The following QARS1 variants were observed in gnomAD, a reference collection of about 807,000 sequenced individuals.
The protein encoded by QARS1 is glutaminyl-tRNA synthetase 1, also known as glutamine--tRNA ligase.
Under a neutral mutation model 106.9 loss-of-function variants are expected in QARS1, and 79 were observed. The ratio of observed to expected loss-of-function variants is 0.74; its 90% CI spans 0.62 to 0.89. The LOEUF (loss-of-function observed/expected upper bound fraction) is 0.89. Among genes scored for constraint, QARS1 ranks in the 40% least tolerant of loss-of-function variants. The pLI is 0.00. For missense variants in QARS1, 966 were observed against 997.2 expected (o/e 0.97, Z 0.42); for synonymous variants, 395 against 367.7 (o/e 1.07, Z -0.85).
Position 49,099,218 on chromosome 3 carries a change from T to C in QARS1, c.1650A>G (p.Pro550=), listed in dbSNP as rs762120492. The C allele has an allele frequency of 1.6e-5, 26 of 1,614,198 alleles. No homozygotes were observed. Among genetic ancestry groups the C allele is most frequent in the Non-Finnish European group, 2.0e-5 (24 of 1,180,026 alleles). ...CACGCACACAGGCTTCTAGAAGATG[T>C]GGCTCCATTGTGGTTTGTGCCACAG... ...GVTVAQTTME[P]HLLEACVRDV... The change falls in exon 18 of 24, where the codon CCA becomes CCG. Residue 550 remains proline, a synonymous_variant. Transcript: ENST00000306125.
At position 49,104,464 on chromosome 3, in the gene QARS1, T is replaced by A. The variant is rs546520104; in HGVS notation, c.125A>T (p.Gln42Leu). The change falls in exon 2 of 24, where the codon CAG becomes CTG. Residue 42 changes from glutamine to leucine, a missense_variant. Coordinates refer to ENST00000306125, the MANE Select transcript of QARS1 (RefSeq NM_005051.3). ...QLREAATQAQ[Q>L]TLGSTIDKAT... ...TTTGTCAATGGTGGAACCCAGGGTCTGCTGAGCCTGAGGTCAGAGGGGTCA... is the reference window on the plus strand; with the variant it reads ...TTTGTCAATGGTGGAACCCAGGGTCAGCTGAGCCTGAGGTCAGAGGGGTCA... The A allele has an allele frequency of 6.2e-7, 1 of 1,613,972 alleles. No individual in the cohort carries two copies. Among genetic ancestry groups the A allele is most frequent in the East Asian group, 2.2e-5 (1 of 44,900 alleles).
At chr3:49,099,876 C>T in intron 14 of QARS1, 23 bp from the exon 15 acceptor site, 1 of 1,613,936 alleles carries the variant, frequency 6.2e-7, no homozygotes, top group Non-Finnish European at 8.5e-7. Flanking sequence ...GGCAGTGGGC[C>T]CTACCATCCA....
At position 49,104,607 on chromosome 3, in the gene QARS1, G is replaced by C. The variant is rs1007163653; in HGVS notation, c.117+10C>G. The C allele has an allele frequency of 6.3e-7, 1 of 1,599,334 alleles. No individual in the cohort carries two copies. Among genetic ancestry groups the C allele is most frequent in the East Asian group, 2.2e-5 (1 of 44,506 alleles). On this transcript the variant is annotated intron_variant, in intron 1 of 23. Coordinates refer to ENST00000306125, the MANE Select transcript of QARS1 (RefSeq NM_005051.3). ...TCTGCAAACCAGGCCGGGGGCAGAG[G>C]GGCTCGCACCTGAGTAGCGGCCTCG... is the stretch of plus-strand genomic sequence containing the variant.
intron 5 of QARS1, among the ~76,000 whole-genome samples, 199 bp downstream of exon 5, chr3:49,103,143 AGAG>A (rs1256571664): frequency 4.6e-5 from 7 of 151,894 alleles, no homozygotes; most frequent in Non-Finnish European, 7.4e-5. Flanking sequence ...TTTTCTGTAG[AGAG>A]GAGTTCTCAA....
In QARS1 at chr3:49,098,181, C is replaced by A. The variant is rs774818694; in HGVS notation, c.2151+11G>T. The A allele has an allele frequency of 8.1e-6, 13 of 1,614,086 alleles. No homozygotes were observed. The highest frequency in any genetic ancestry group is 1.1e-5 in the Non-Finnish European group (13 of 1,180,048). On this transcript the variant is annotated intron_variant, in intron 22 of 23. Transcript: ENST00000306125. ...GGCCTACCTCCCTCACCCCAAACCT[C>A]ATGAACCTACCAGGTTCAGGTCACT...
chr3:49,103,806 C>T, intron 3 of QARS1, 57 bp downstream of exon 3: 1 of 1,596,324 alleles, frequency 6.3e-7, no homozygotes, highest in South Asian at 1.1e-5. Context: ...GGAAACTGAG[C>T]CACTCCTTTC....
chr3:49,098,656 G>C lies in QARS1; in HGVS notation c.1900C>G (p.Gln634Glu). The change falls in exon 20 of 24, where the codon CAG becomes GAG. Residue 634 changes from glutamine (Q) to glutamate (E), a missense_variant. By Grantham distance (29) the Gln-to-Glu change is conservative. Transcript: ENST00000306125. Reference protein sequence around the residue: ...EPGFKRLAWGQPVGLRHTGYV... With the variant: ...EPGFKRLAWGEPVGLRHTGYV... ...CCTGTATGCCTCAGGCCCACAGGCTGGCCCCAAGCCAGGCGCTTAAATCCT... is the reference window on the plus strand; with the variant it reads ...CCTGTATGCCTCAGGCCCACAGGCTCGCCCCAAGCCAGGCGCTTAAATCCT... The C allele has an allele frequency of 6.2e-7, 1 of 1,610,198 alleles. No individual in the cohort carries two copies. The highest frequency in any genetic ancestry group is 8.5e-7 in the Non-Finnish European group (1 of 1,178,108).
chr3:49,100,607 A>C lies in QARS1; in HGVS notation c.944T>G (p.Phe315Cys), dbSNP rs1349369157. 6.2e-7 allele frequency: 1 copy of C among 1,609,958 alleles called. No homozygotes were observed. ...GGCTACCATGTCACAGATGGCCGTGAAGAACTTTGCTTCCTCCTTCTCAGG... is the reference window on the plus strand; with the variant it reads ...GGCTACCATGTCACAGATGGCCGTGCAGAACTTTGCTTCCTCCTTCTCAGG... ...TNPEKEEAKF[F>C]TAICDMVAWL... The change falls in exon 11 of 24, where the codon TTC (phenylalanine) becomes TGC (cysteine). Residue 315 changes from phenylalanine (F) to cysteine (C), a missense_variant. Phe to Cys is a radical substitution (Grantham distance 205). Coordinates refer to ENST00000306125, the MANE Select transcript of QARS1 (RefSeq NM_005051.3).
Position 49,104,705 on chromosome 3 carries a change from A to G in QARS1, c.29T>C (p.Phe10Ser). The part of the protein sequence containing the change: MAALDSLSL[F>S]TSLGLSEQKA... ...CTGCTCGCTCAGGCCGAGGCTAGTGAAGAGCGACAGGGAGTCTAGAGCCGC... is the reference window on the plus strand; with the variant it reads ...CTGCTCGCTCAGGCCGAGGCTAGTGGAGAGCGACAGGGAGTCTAGAGCCGC... The change falls in exon 1 of 24, where the codon TTC (phenylalanine) becomes TCC (serine). Residue 10 changes from phenylalanine to serine, a missense_variant. Coordinates refer to ENST00000306125, the MANE Select transcript of QARS1 (RefSeq NM_005051.3). 1 of 1,612,826 alleles carries G rather than the reference A, an allele frequency of 6.2e-7. No homozygotes were observed. Among genetic ancestry groups the G allele is most frequent in the Non-Finnish European group, 8.5e-7 (1 of 1,179,362 alleles).
Position 49,104,383 on chromosome 3 carries a change from A to G in QARS1, c.206T>C (p.Leu69Pro). 1.9e-6 allele frequency: 3 copies of G among 1,614,194 alleles called. No homozygotes were observed. The highest frequency in any genetic ancestry group is 2.5e-6 in the Non-Finnish European group (3 of 1,180,026). ...GGCTATGTAGCTTACAAGGAAGGAG[A>G]GACGCCGGGTATCCCTGAGTCGGGA... ...LASRLRDTRRLSFLVSYIASK... is the reference protein window; with the variant it reads ...LASRLRDTRRPSFLVSYIASK... Residue 69 changes from leucine to proline, a missense_variant, in exon 2 of 24, where the codon CTC becomes CCC. Coordinates refer to ENST00000306125, the MANE Select transcript of QARS1 (RefSeq NM_005051.3).
In QARS1 at chr3:49,099,601, G is replaced by A. The variant is rs766391690; in HGVS notation, c.1435C>T (p.Pro479Ser). The part of the protein sequence containing the change: ...WLCNALDVYC[P>S]VQWEYGRLNL... ...AGGCGGCCATACTCCCACTGCACAG[G>A]GCAATAGACGTCCAGTGCATTGCAA... Residue 479 changes from proline (P) to serine (S), a missense_variant, in exon 16 of 24, where the codon CCT becomes TCT. Coordinates refer to ENST00000306125, the MANE Select transcript of QARS1 (RefSeq NM_005051.3). 18 of 1,614,004 alleles carry A rather than the reference G, an allele frequency of 1.1e-5. No homozygotes were observed. Among genetic ancestry groups the A allele is most frequent in the Non-Finnish European group, 1.4e-5 (16 of 1,179,976 alleles).
chr3:49,098,604 A>G lies in QARS1; in HGVS notation c.1952T>C (p.Val651Ala), dbSNP rs2042423392. 1 of 1,610,852 alleles carries G rather than the reference A, an allele frequency of 6.2e-7. No individual in the cohort carries two copies. Among genetic ancestry groups the G allele is most frequent in the South Asian group, 1.1e-5 (1 of 90,730 alleles). Residue 651 changes from valine to alanine, a missense_variant, in exon 20 of 24, where the codon GTC (valine) becomes GCC (alanine). Coordinates refer to ENST00000306125, the MANE Select transcript of QARS1 (RefSeq NM_005051.3). ...AAGGCTGCAGCTGGCTCTCACCTTG[A>G]CAACATGCTGCAGCTCAATGACGTA... ...TGYVIELQHV[V>A]KGPSGCVESL...
At chr3:49,097,567 C>T (rs1364520148) in intron 23 of QARS1, among the ~76,000 whole-genome samples, 5 of 151,312 alleles carry the variant, frequency 3.3e-5, no homozygotes, top group African/African-American at 7.3e-5. Context: ...GAGGCCGAGG[C>T]GGGCAGATCA....
chr3:49,098,528 C>A (rs13064784), intron 20 of QARS1, 48 bp from the exon 21 acceptor site: 280 of 1,613,104 alleles, frequency 1.7e-4, no homozygotes, highest in Non-Finnish European at 2.2e-4. Flanking sequence ...GAACCACAAC[C>A]AGGACTGCAG....
intron 7 of QARS1, 136 bp downstream of exon 7, chr3:49,102,067 AAC>A: frequency 7.5e-7 from 1 of 1,341,410 alleles, no homozygotes; most frequent in Non-Finnish European, 1.0e-6. Context: ...GAACAAAAGA[AAC>A]ACCAGGAATC....
chr3:49,099,888 C>T, intron 14 of QARS1, 35 bp from the exon 15 acceptor site: 1 of 1,614,014 alleles, frequency 6.2e-7, no homozygotes. Flanking sequence ...TACCATCCAG[C>T]CCTACTCTGC....
chr3:49,102,217 C>T lies in QARS1; in HGVS notation c.619G>A (p.Val207Met). 1 of 1,614,254 alleles carries T rather than the reference C, an allele frequency of 6.2e-7. No individual in the cohort carries two copies. Among genetic ancestry groups the T allele is most frequent in the Non-Finnish European group, 8.5e-7 (1 of 1,180,044 alleles). Residue 207 changes from valine (V) to methionine (M), a missense_variant, in exon 7 of 24, where the codon GTG becomes ATG. Physicochemically the swap from Val to Met is conservative, Grantham distance 21. Transcript: ENST00000306125. ...TCAAGCTTCTCACCATTCTCCACCACATCCTTTGCCGTCCTCCGGTCTGTT... is the reference window on the plus strand; with the variant it reads ...TCAAGCTTCTCACCATTCTCCACCATATCCTTTGCCGTCCTCCGGTCTGTT... ...EETDRRTAKD[V>M]VENGETADQT... is the part of the protein sequence containing the mutation.
At chr3:49,096,213 C>G in intron 23 of QARS1, 134 bp from the exon 24 acceptor site, 1 of 823,972 alleles carries the variant, frequency 1.2e-6, no homozygotes, top group East Asian at 2.7e-5. Context: ...GGTCAGGAGG[C>G]CCGGGTCCTC....
chr3:49,103,542 G>A, intron 4 of QARS1, 89 bp downstream of exon 4: 2 of 1,561,104 alleles, frequency 1.3e-6, no homozygotes, highest in Non-Finnish European at 1.8e-6. Context: ...AGTCACTCCT[G>A]TTCCTTCCCC....
Sources: allele counts gnomAD v4.1 joint callset (sites outside exome capture counted in the v4.1 genomes callset), GRCh38; gene constraint gnomAD v4.1.1; transcripts MANE v1.5; gene names NCBI Gene and HGNC (gene_info 2026-07-23, HGNC 2026-07-21).